Variants in TULP4 observed in about 807,000 individuals in gnomAD.
TULP4 encodes the protein tubby-related protein 4.
A neutral mutation model predicts 129.0 loss-of-function variants in TULP4; 16 were observed. That is an observed-to-expected ratio of 0.12 (90% CI 0.08 to 0.19). The LOEUF (loss-of-function observed/expected upper bound fraction) is 0.19. Among genes scored for constraint, TULP4 ranks in the 10% least tolerant of loss-of-function variants. The pLI is 1.00. For missense variants in TULP4, 1,842 were observed against 2,059.1 expected (o/e 0.89, Z 2.04); for synonymous variants, 998 against 854.0 (o/e 1.17, Z -2.94).
chr6:158,453,373 A>G (rs1583893324), intron 5 of TULP4, among the ~76,000 whole-genome samples: 1 of 150,398 alleles, frequency 6.6e-6, no homozygotes, highest in Non-Finnish European at 1.5e-5. Context: ...AGTCCCAGCT[A>G]CTCGGGAGGC....
At chr6:158,303,525 C>T (rs1418187985) in intron 1 of TULP4, among the ~76,000 whole-genome samples, 1 of 152,140 alleles carries the variant, frequency 6.6e-6, no homozygotes, top group Non-Finnish European at 1.5e-5. Context: ...TCTCAGGGAA[C>T]ACGACAAAGG....
intron 1 of TULP4, among the ~76,000 whole-genome samples, chr6:158,366,431 G>A (rs1306440178): frequency 6.6e-6 from 1 of 152,210 alleles, no homozygotes; most frequent in Non-Finnish European, 1.5e-5. Flanking sequence ...GAAGGCTGCA[G>A]GCTCTTGAGC....
intron 11 of TULP4, among the ~76,000 whole-genome samples, chr6:158,497,752 T>C (rs1287921032): frequency 6.6e-6 from 1 of 152,230 alleles, no homozygotes; most frequent in Non-Finnish European, 1.5e-5. Flanking sequence ...GAAGTTACCT[T>C]AACCCATACC....
At chr6:158,397,075 C>G (rs527746244) in intron 1 of TULP4, among the ~76,000 whole-genome samples, 1 of 152,312 alleles carries the variant, frequency 6.6e-6, no homozygotes, top group South Asian at 2.1e-4. Context: ...AACAGACAAC[C>G]AGGTAGTGAG....
At chr6:158,261,653 C>T (rs1778354099) in intron 1 of TULP4, among the ~76,000 whole-genome samples, 1 of 152,186 alleles carries the variant, frequency 6.6e-6, no homozygotes, top group Admixed American at 6.5e-5. Flanking sequence ...CAGGGTTCAG[C>T]TGCATGTAAC....
Position 158,503,350 on chromosome 6 carries a change from G to T in TULP4, c.3687G>T (p.Pro1229=). 3 of 1,613,626 alleles carry T rather than the reference G, an allele frequency of 1.9e-6. No homozygotes were observed. The highest frequency in any genetic ancestry group is 2.5e-6 in the Non-Finnish European group (3 of 1,179,962). The change falls in exon 13 of 14, where the codon CCG becomes CCT. Residue 1229 remains proline (P), a synonymous_variant. Coordinates refer to ENST00000367097, the MANE Select transcript of TULP4 (RefSeq NM_020245.5). The surrounding 1 kb of genome is among the most constrained non-coding windows in gnomAD (Gnocchi z 4.3). ...AQQEPAVVLQ[P]LYPPSLSYCT... Reference sequence around the variant, plus strand: ...AGGAGCCTGCTGTGGTCCTTCAGCCGCTGTACCCACCCAGCCTCTCCTATT... The same window carrying T: ...AGGAGCCTGCTGTGGTCCTTCAGCCTCTGTACCCACCCAGCCTCTCCTATT...
At chr6:158,240,127 C>T (rs1583665673) in intron 1 of TULP4, among the ~76,000 whole-genome samples, 3 of 57,330 alleles carry the variant, frequency 5.2e-5, no homozygotes, top group African/African-American at 1.1e-4. Context: ...CGGGCAGAGG[C>T]GCCCCTCACC....
intron 1 of TULP4, among the ~76,000 whole-genome samples, chr6:158,253,897 G>A (rs1013290885): frequency 6.6e-6 from 1 of 151,998 alleles, no homozygotes; most frequent in Admixed American, 6.6e-5. Context: ...TATTAGCTGG[G>A]CTTGGTGGCA....
At chr6:158,356,158 G>T (rs828004) in intron 1 of TULP4, among the ~76,000 whole-genome samples, 139,921 of 152,300 alleles carry the variant, frequency 0.92, 64,470 homozygotes, top group Admixed American at 0.95. Context: ...GGGCCAGAGA[G>T]AAGTAAACAT....
At chr6:158,246,022 G>GT (rs1778022814) in intron 1 of TULP4, among the ~76,000 whole-genome samples, 2 of 125,922 alleles carry the variant, frequency 1.6e-5, no homozygotes, top group South Asian at 2.5e-4. Flanking sequence ...TACCCCTTAG[G>GT]GGTGTGTGTG....
chr6:158,255,773 A>G (rs941236407), intron 1 of TULP4, among the ~76,000 whole-genome samples: 3 of 152,208 alleles, frequency 2.0e-5, no homozygotes, highest in Admixed American at 6.5e-5. Context: ...GTTTACACCA[A>G]TTTAAGTTAG....
At chr6:158,239,683 G>A (rs1470423361) in intron 1 of TULP4, among the ~76,000 whole-genome samples, 1 of 66,816 alleles carries the variant, frequency 1.5e-5, no homozygotes, top group Non-Finnish European at 3.3e-5. Flanking sequence ...TGGCCGGGCA[G>A]AGGGGCTCCT....
In TULP4 at chr6:158,493,732, T is replaced by G. The variant is rs1780266982; in HGVS notation, c.1776+15T>G. The G allele has an allele frequency of 6.5e-7, 1 of 1,531,024 alleles. No homozygotes were observed. The highest frequency in any genetic ancestry group is 1.4e-5 in the African/African-American group (1 of 71,522). The allele number at this position is 1,531,024 out of a possible 1,614,324, so 94.8% of individuals were successfully genotyped here. On this transcript the variant is annotated intron_variant, in intron 10 of 13. Coordinates refer to ENST00000367097, the MANE Select transcript of TULP4 (RefSeq NM_020245.5). This position sits in a 1 kb window ranked among gnomAD's most constrained non-coding sequence, Gnocchi z 4.4. The stretch of plus-strand genomic sequence containing the variant: ...ACATCACTCAGGTAGGAGCCCCCAG[T>G]TACCCTGCCTTGCTCCCCTCCTCCT...
intron 1 of TULP4, among the ~76,000 whole-genome samples, chr6:158,293,851 A>G (rs533671165): frequency 4.6e-5 from 7 of 152,326 alleles, no homozygotes; most frequent in African/African-American, 1.7e-4. Context: ...CAGGGATGTT[A>G]GTTTCTTCTG....
At chr6:158,250,189 C>T (rs1214660421) in intron 1 of TULP4, among the ~76,000 whole-genome samples, 1 of 148,402 alleles carries the variant, frequency 6.7e-6, no homozygotes. Context: ...GACGGAGTGT[C>T]GCTCTGTCAC....
intron 1 of TULP4, among the ~76,000 whole-genome samples, chr6:158,252,807 G>C (rs1371610895): frequency 6.6e-6 from 1 of 152,082 alleles, no homozygotes; most frequent in Non-Finnish European, 1.5e-5. Flanking sequence ...TGGCCACTCC[G>C]TAGGCAGAGC....
At chr6:158,258,337 T>C (rs1407865244) in intron 1 of TULP4, among the ~76,000 whole-genome samples, 2 of 152,260 alleles carry the variant, frequency 1.3e-5, no homozygotes, top group Non-Finnish European at 2.9e-5. Flanking sequence ...TTTTCTGTCA[T>C]GGACCAGCAG....
chr6:158,267,993 T>G (rs1778478520), intron 1 of TULP4, among the ~76,000 whole-genome samples: 1 of 151,226 alleles, frequency 6.6e-6, no homozygotes, highest in Non-Finnish European at 1.5e-5. Context: ...TCTTTTACAT[T>G]TGTTTGATCT....
chr6:158,475,369 T>C (rs758613273), intron 6 of TULP4, among the ~76,000 whole-genome samples: 6 of 152,258 alleles, frequency 3.9e-5, no homozygotes, highest in Non-Finnish European at 7.3e-5. Context: ...TCTTGCACTT[T>C]TGCCTCAGAT....
Sources: gnomAD v4.1 joint callset for allele counts (sites outside exome capture counted in the v4.1 genomes callset) on GRCh38, gnomAD v4.1.1 for gene constraint, Gnocchi (gnomAD v3.1) non-coding constraint, MANE v1.5 for transcripts, NCBI Gene and HGNC (gene_info 2026-07-23, HGNC 2026-07-21) for gene names.